The following LRRC9 variants were observed in gnomAD, a reference collection of about 807,000 sequenced individuals.
LRRC9 encodes the protein leucine rich repeat containing 9.
Under a neutral mutation model 63.2 loss-of-function variants are expected in LRRC9, and 122 were observed. The ratio of observed to expected loss-of-function variants is 1.93; its 90% CI spans 1.67 to 2.24. The LOEUF is 2.24. Ranked by LOEUF, LRRC9 falls within the 30% of genes most tolerant of loss-of-function variation. The pLI is 0.00. For missense variants in LRRC9, 1,071 were observed against 627.7 expected (o/e 1.71, Z -7.55); for synonymous variants, 366 against 213.1 (o/e 1.72, Z -6.25).
At chr14:59,971,084 C>T (rs1449691561) in intron 12 of LRRC9, among the ~76,000 whole-genome samples, 1 of 152,044 alleles carries the variant, frequency 6.6e-6, no homozygotes, top group Non-Finnish European at 1.5e-5. Context: ...CATTTAACTC[C>T]AACTTGAGTT....
chr14:59,979,411 G>T (rs1457845856), intron 15 of LRRC9, among the ~76,000 whole-genome samples: 6 of 152,112 alleles, frequency 3.9e-5, no homozygotes, highest in Non-Finnish European at 5.9e-5. Context: ...GAGGTCAGGG[G>T]ATCGAGACCA....
chr14:59,992,039 G>C (rs371531798), intron 17 of LRRC9, among the ~76,000 whole-genome samples: 2 of 152,088 alleles, frequency 1.3e-5, no homozygotes, highest in Non-Finnish European at 2.9e-5. Context: ...GACCCCCGAG[G>C]AGCCTAACTG....
chr14:60,039,427 G>A (rs930297228), intron 29 of LRRC9, among the ~76,000 whole-genome samples: 2 of 152,094 alleles, frequency 1.3e-5, no homozygotes, highest in Admixed American at 1.3e-4. Context: ...ATTAATTATT[G>A]CCTCAATTTC....
exon 25 of LRRC9, chr14:60,018,462 T>G: frequency 1.4e-6 from 1 of 699,050 alleles, no homozygotes. Flanking sequence ...TGGATTAATC[T>G]ATCTACCTAA....
At position 59,938,268 on chromosome 14, in the gene LRRC9, C is replaced by T. The variant is rs1207382816; in HGVS notation, c.544-122C>T. 4.2e-6 allele frequency: 2 copies of T among 472,178 alleles called. No individual in the cohort carries two copies. Among genetic ancestry groups the T allele is most frequent in the Non-Finnish European group, 7.4e-6 (2 of 269,634 alleles). The allele number at this position is 472,178 out of a possible 1,614,324, so 29.2% of individuals were successfully genotyped here. ...AGAAACATTTTAGGCATCTAAATCA[C>T]TTTAATGTATTTAAGCGCATAATTA... On this transcript the variant is annotated intron_variant, in intron 6 of 31. Coordinates refer to ENST00000445360, the Ensembl canonical transcript of LRRC9. This position sits in a 1 kb window ranked among gnomAD's most constrained non-coding sequence, Gnocchi z 4.2.
intron 1 of LRRC9, 95 bp from the exon 1 acceptor site, chr14:59,920,049 C>CA (rs948846447): frequency 1.2e-4 from 19 of 152,178 alleles, no homozygotes; most frequent in African/African-American, 3.9e-4. Flanking sequence ...GCTTCCCCCC[C>CA]ACCCTTTTAT....
chr14:60,066,281 C>T (rs1894882341), downstream of LRRC9, among the ~76,000 whole-genome samples: 1 of 151,660 alleles, frequency 6.6e-6, no homozygotes, highest in South Asian at 2.1e-4. Flanking sequence ...AAGTAACATG[C>T]CATTTCACTC....
At chr14:59,949,709 G>A (rs368518135) in intron 8 of LRRC9, among the ~76,000 whole-genome samples, 9 of 151,462 alleles carry the variant, frequency 5.9e-5, no homozygotes, top group East Asian at 2.0e-4. Flanking sequence ...CTTTGTTCTC[G>A]TTGGTTTCAA....
intron 12 of LRRC9, among the ~76,000 whole-genome samples, chr14:59,969,955 T>A (rs2140019255): frequency 6.6e-6 from 1 of 152,298 alleles, no homozygotes; most frequent in Non-Finnish European, 1.5e-5. Context: ...ATATAGTGTG[T>A]CTAAAACCAG....
In LRRC9 at chr14:59,958,217, G is replaced by A. The variant is rs1452869409; in HGVS notation, c.883-1601G>A. On this transcript the variant is annotated intron_variant, in intron 8 of 31. Coordinates refer to ENST00000445360, the Ensembl canonical transcript of LRRC9. The surrounding 1 kb of genome is among the most constrained non-coding windows in gnomAD (Gnocchi z 4.0). ...CTCTTCAGAGCTGGCAGGCAGGAAC[G>A]ATTAAATCTGCTGCAGCTGTGCCCA... Among the ~76,000 whole-genome samples the A allele has an allele frequency of 1.3e-5, 2 of 152,200 alleles. No homozygotes were observed. Among genetic ancestry groups the A allele is most frequent in the African/African-American group, 2.4e-5 (1 of 41,454 alleles).
chr14:60,064,875 T>G (rs576578192), downstream of LRRC9, among the ~76,000 whole-genome samples: 6 of 152,302 alleles, frequency 3.9e-5, no homozygotes, highest in African/African-American at 1.4e-4. Context: ...AGTGGGAAAA[T>G]AAATGTAATA....
At position 60,042,100 on chromosome 14, in the gene LRRC9, T is replaced by C. The variant is rs1347030345; in HGVS notation, c.3990+10037T>C. 1.3e-5 allele frequency among the ~76,000 whole-genome samples: 2 copies of C among 152,214 alleles called. No homozygotes were observed. The highest frequency in any genetic ancestry group is 2.9e-5 in the Non-Finnish European group (2 of 68,040). ...AACGGCAAATGTTGCTGCTTGATCC[T>C]TCCTCTGGAACCTTCGTCTCAGAGG... On this transcript the variant is annotated intron_variant, in intron 29 of 31. Coordinates refer to ENST00000445360, the Ensembl canonical transcript of LRRC9. This position sits in a 1 kb window ranked among gnomAD's most constrained non-coding sequence, Gnocchi z 4.2.
Position 59,962,121 on chromosome 14 carries a change from GTAAA to G in LRRC9, c.1211+1077_1211+1080del, listed in dbSNP as rs1292115341. On this transcript the variant is annotated intron_variant, in intron 10 of 31. Coordinates refer to ENST00000445360, the Ensembl canonical transcript of LRRC9. The surrounding 1 kb of genome is among the most constrained non-coding windows in gnomAD (Gnocchi z 5.1). ...CATGGCTTTTTTCTCACCTCTGTGA[GTAAA>G]AGCTTCTCAAAGGTCTTGGGAGAAC... 6.6e-5 allele frequency among the ~76,000 whole-genome samples: 10 copies of G among 152,264 alleles called. No individual in the cohort carries two copies. The highest frequency in any genetic ancestry group is 1.3e-4 in the Non-Finnish European group (9 of 68,024).
chr14:59,985,193 A>G, exon 17 of LRRC9: 1 of 690,430 alleles, frequency 1.4e-6, no homozygotes, highest in Admixed American at 2.0e-5. Context: ...AGCTTTAATG[A>G]ATTTACCTGT....
At chr14:60,064,731 T>C (rs1894840071), downstream of LRRC9, among the ~76,000 whole-genome samples, 1 of 152,194 alleles carries the variant, frequency 6.6e-6, no homozygotes, top group African/African-American at 2.4e-5. Context: ...GCTTTCATTA[T>C]AGTGTTGTGA....
At chr14:59,976,031 T>C (rs1445245344) in intron 13 of LRRC9, among the ~76,000 whole-genome samples, 1 of 152,342 alleles carries the variant, frequency 6.6e-6, no homozygotes, top group South Asian at 2.1e-4. Flanking sequence ...TTGATTCTTA[T>C]AGGGGCGCGA....
chr14:60,007,443 C>T (rs75132721), intron 22 of LRRC9, among the ~76,000 whole-genome samples: 20 of 152,324 alleles, frequency 1.3e-4, no homozygotes, highest in African/African-American at 4.1e-4. Flanking sequence ...AAAGGCATAT[C>T]AAAGTGTCTT....
intron 29 of LRRC9, among the ~76,000 whole-genome samples, chr14:60,044,182 G>C (rs1315424587): frequency 3.3e-5 from 5 of 151,556 alleles, no homozygotes; most frequent in East Asian, 1.9e-4. Flanking sequence ...CATTTTTTAG[G>C]TCTTCTCTTT....
At chr14:59,941,881 T>C (rs1219878504) in intron 7 of LRRC9, among the ~76,000 whole-genome samples, 1 of 152,200 alleles carries the variant, frequency 6.6e-6, no homozygotes, top group Non-Finnish European at 1.5e-5. Flanking sequence ...CCTGCAGTGC[T>C]ACAGAACACC....
Sources: allele counts gnomAD v4.1 joint callset (sites outside exome capture counted in the v4.1 genomes callset), GRCh38; gene constraint gnomAD v4.1.1; non-coding constraint Gnocchi (gnomAD v3.1); transcripts MANE v1.5; gene names NCBI Gene and HGNC (gene_info 2026-07-23, HGNC 2026-07-21).